Variants in SLIT3 observed in about 807,000 individuals in gnomAD.
SLIT3 encodes slit homolog 3 protein.
A neutral mutation model predicts 184.0 loss-of-function variants in SLIT3; 68 were observed. The ratio of observed to expected loss-of-function variants is 0.37; its 90% CI spans 0.30 to 0.45. The LOEUF is 0.45. Among genes scored for constraint, SLIT3 ranks in the 20% least tolerant of loss-of-function variants. The probability of loss-of-function intolerance (pLI) is 1.00; values close to 1 mark genes in which losing one functional copy is unlikely to be tolerated. For synonymous variants in SLIT3, 831 were observed against 828.6 expected (o/e 1.00, Z -0.05); for missense variants, 1,707 against 2,026.0 (o/e 0.84, Z 3.02).
chr5:169,050,136 C>T (rs1385064701), intron 4 of SLIT3, among the ~76,000 whole-genome samples: 1 of 152,196 alleles, frequency 6.6e-6, no homozygotes, highest in Non-Finnish European at 1.5e-5. Flanking sequence ...ATCCAGCAGG[C>T]CGTTTGCTGG....
chr5:168,856,614 T>C (rs933307949), intron 5 of SLIT3, among the ~76,000 whole-genome samples: 2 of 152,036 alleles, frequency 1.3e-5, no homozygotes, highest in Non-Finnish European at 2.9e-5. Flanking sequence ...AGGAGAAAAA[T>C]CACCGCTAGG....
intron 15 of SLIT3, 146 bp downstream of exon 15, chr5:168,762,392 AC>A: frequency 1.3e-6 from 1 of 746,092 alleles, no homozygotes; most frequent in Non-Finnish European, 2.2e-6. Flanking sequence ...CTGGGTATCT[AC>A]CTTCAGACCA....
intron 5 of SLIT3, among the ~76,000 whole-genome samples, chr5:168,873,718 T>C (rs1039599): frequency 0.046 from 6,970 of 152,140 alleles, 538 homozygotes; most frequent in African/African-American, 0.16. Flanking sequence ...TTCTCCCTCC[T>C]GGACTCCTCA....
intron 5 of SLIT3, among the ~76,000 whole-genome samples, chr5:168,862,933 C>T (rs1410220503): frequency 6.6e-6 from 1 of 152,182 alleles, no homozygotes; most frequent in Non-Finnish European, 1.5e-5. Flanking sequence ...CCTCAGTCTC[C>T]CAAAGTGTTG....
At chr5:169,206,707 C>T (rs1764077836) in intron 3 of SLIT3, among the ~76,000 whole-genome samples, 1 of 152,146 alleles carries the variant, frequency 6.6e-6, no homozygotes, top group African/African-American at 2.4e-5. Context: ...TGATGGTGTG[C>T]CTCTCTGTGT....
chr5:169,161,339 A>C (rs1328640722), intron 4 of SLIT3, among the ~76,000 whole-genome samples: 1 of 152,168 alleles, frequency 6.6e-6, no homozygotes, highest in Non-Finnish European at 1.5e-5. Flanking sequence ...GCCATGCTGA[A>C]ACTATTTGCT....
rs2113371279 is a variant in SLIT3 at position 168,722,811 on chromosome 5, G to C, written c.2411+122C>G. On this transcript the variant is annotated intron_variant, in intron 22 of 35. Coordinates refer to ENST00000519560, the MANE Select transcript of SLIT3 (RefSeq NM_003062.4). ...ATGATTAAGGTGTATCTTATGCTAG[G>C]GCAGCCATAGGCCTGAGGGTCATTA... 3 of 756,514 alleles carry C rather than the reference G, an allele frequency of 4.0e-6. No individual in the cohort carries two copies. The Middle Eastern group carries it at 9.3e-4, about 233-fold the overall frequency. 46.9% of individuals were successfully genotyped at this position (756,514 alleles called of 1,614,324 possible).
intron 4 of SLIT3, among the ~76,000 whole-genome samples, chr5:169,065,587 A>C (rs564873433): frequency 1.3e-5 from 2 of 152,314 alleles, no homozygotes; most frequent in South Asian, 2.1e-4. Flanking sequence ...TCTTCGTCAC[A>C]TCAGACATCC....
At chr5:168,785,849 C>T (rs1237062697) in intron 12 of SLIT3, 58 bp downstream of exon 12, 1 of 1,270,168 alleles carries the variant, frequency 7.9e-7, no homozygotes, top group Admixed American at 1.7e-5. Context: ...TCAACGTTTT[C>T]AGGTGGGAGC....
At chr5:169,199,973 T>C (rs958802536) in intron 3 of SLIT3, among the ~76,000 whole-genome samples, 8 of 152,192 alleles carry the variant, frequency 5.3e-5, no homozygotes, top group Non-Finnish European at 1.0e-4. Flanking sequence ...GGGAGCCTGA[T>C]GAATCAATAG....
At chr5:168,886,963 C>A (rs191873482) in intron 4 of SLIT3, among the ~76,000 whole-genome samples, 60 of 152,200 alleles carry the variant, frequency 3.9e-4, no homozygotes, top group African/African-American at 1.4e-3. Context: ...TTCCAGCCAC[C>A]CTCCCCACCT....
intron 4 of SLIT3, among the ~76,000 whole-genome samples, chr5:168,978,221 C>T (rs770985500): frequency 1.8e-4 from 27 of 152,216 alleles, no homozygotes; most frequent in Non-Finnish European, 3.1e-4. Context: ...CTGCTAAGTG[C>T]GTAGAAGTTT....
intron 4 of SLIT3, among the ~76,000 whole-genome samples, chr5:169,001,684 A>G (rs1483195891): frequency 3.3e-5 from 5 of 152,220 alleles, no homozygotes; most frequent in African/African-American, 1.2e-4. Flanking sequence ...CAAGGAATTA[A>G]TATCTCTGGA....
At chr5:169,001,480 T>G (rs1319793757) in intron 4 of SLIT3, among the ~76,000 whole-genome samples, 1 of 151,940 alleles carries the variant, frequency 6.6e-6, no homozygotes, top group African/African-American at 2.4e-5. Flanking sequence ...GGGTCACGTC[T>G]TTTTTTTCCC....
At chr5:169,287,344 G>C (rs1223986100) in intron 1 of SLIT3, among the ~76,000 whole-genome samples, 13 of 152,078 alleles carry the variant, frequency 8.5e-5, no homozygotes, top group Admixed American at 8.5e-4. Context: ...CACCCATCTG[G>C]TGCCTCTCCC....
intron 32 of SLIT3, among the ~76,000 whole-genome samples, chr5:168,682,846 T>C (rs1007586853): frequency 6.6e-6 from 1 of 152,150 alleles, no homozygotes. Flanking sequence ...TTCCCTAAGG[T>C]TTGGCTCTCC....
chr5:168,799,620 G>C (rs184613225), intron 9 of SLIT3, among the ~76,000 whole-genome samples: 145 of 152,266 alleles, frequency 9.5e-4, no homozygotes, highest in Middle Eastern at 3.4e-3. Context: ...GCCTGGCAGG[G>C]GCACGGCCGG....
At chr5:168,993,110 T>C (rs1755388973) in intron 4 of SLIT3, 1 of 152,216 alleles carries the variant, frequency 6.6e-6, no homozygotes, top group South Asian at 2.1e-4. Flanking sequence ...AAATATCCTA[T>C]GGGCTTATCG....
intron 4 of SLIT3, among the ~76,000 whole-genome samples, chr5:169,009,019 TG>T (rs1284821860): frequency 6.6e-6 from 1 of 152,172 alleles, no homozygotes; most frequent in Non-Finnish European, 1.5e-5. Context: ...CTGGTCGGGC[TG>T]GGATTTGAAC....
Sources: gnomAD v4.1 joint callset for allele counts (sites outside exome capture counted in the v4.1 genomes callset) on GRCh38, gnomAD v4.1.1 for gene constraint, MANE v1.5 for transcripts, NCBI Gene and HGNC (gene_info 2026-07-23, HGNC 2026-07-21) for gene names.